Variants in ACYP2 observed in about 807,000 individuals in gnomAD.
ACYP2 encodes acylphosphatase-2.
In ACYP2, 12 loss-of-function variants were observed where a neutral mutation model predicts 11.2. The observed-to-expected ratio is 1.08, with a 90% CI of 0.69 to 1.74. The LOEUF (loss-of-function observed/expected upper bound fraction) is 1.74, where lower values mean the gene tolerates loss of function less well. Among genes scored for constraint, ACYP2 ranks in the 40% most tolerant of loss-of-function variants. The probability of loss-of-function intolerance (pLI) is 0.00; values close to 1 mark genes in which losing one functional copy is unlikely to be tolerated. For missense variants in ACYP2, 134 were observed against 101.9 expected (o/e 1.31, Z -1.35); for synonymous variants, 43 against 32.2 (o/e 1.33, Z -1.13).
chr2:54,175,156 T>A (rs1683401282), intron 6 of ACYP2, among the ~76,000 whole-genome samples: 1 of 152,176 alleles, frequency 6.6e-6, no homozygotes, highest in Non-Finnish European at 1.5e-5. Flanking sequence ...ATCCGTCTGG[T>A]CCTGGAGTTT....
intron 6 of ACYP2, among the ~76,000 whole-genome samples, chr2:54,206,786 T>C (rs1299739475): frequency 2.0e-5 from 3 of 152,214 alleles, no homozygotes; most frequent in Non-Finnish European, 4.4e-5. Context: ...ACTCTCAATA[T>C]GTGTAATGAA....
intron 6 of ACYP2, among the ~76,000 whole-genome samples, chr2:54,270,624 A>AT (rs1360551562): frequency 3.3e-5 from 5 of 152,182 alleles, no homozygotes; most frequent in African/African-American, 1.2e-4. Flanking sequence ...AAAAATAAAG[A>AT]TAAAAAATAA....
At chr2:54,202,883 G>A (rs1684914805) in intron 6 of ACYP2, among the ~76,000 whole-genome samples, 1 of 151,722 alleles carries the variant, frequency 6.6e-6, no homozygotes, top group South Asian at 2.1e-4. Flanking sequence ...TTTATAGTAA[G>A]TTTTCAAATT....
intron 4 of ACYP2, among the ~76,000 whole-genome samples, chr2:54,112,385 A>T (rs1416388174): frequency 2.6e-5 from 4 of 152,224 alleles, no homozygotes; most frequent in Non-Finnish European, 5.9e-5. Flanking sequence ...AAAGCCAAAT[A>T]ATCATATACA....
At chr2:54,278,913 G>C (rs997860218) in intron 6 of ACYP2, among the ~76,000 whole-genome samples, 1 of 152,174 alleles carries the variant, frequency 6.6e-6, no homozygotes, top group African/African-American at 2.4e-5. Flanking sequence ...AAACAAGGAA[G>C]AATGACATTT....
intron 2 of ACYP2, among the ~76,000 whole-genome samples, chr2:54,004,613 T>TAA (rs924184810): frequency 6.6e-6 from 1 of 151,490 alleles, no homozygotes; most frequent in Non-Finnish European, 1.5e-5. Flanking sequence ...GGTTTCACAG[T>TAA]GTTAGCCAGG....
intron 2 of ACYP2, among the ~76,000 whole-genome samples, chr2:54,011,049 G>A (rs1020025118): frequency 4.6e-5 from 7 of 151,896 alleles, no homozygotes; most frequent in South Asian, 4.1e-4. Context: ...TAAAAGACAC[G>A]TCACATTATT....
At chr2:54,216,996 T>C (rs1295418969) in intron 6 of ACYP2, among the ~76,000 whole-genome samples, 1 of 152,256 alleles carries the variant, frequency 6.6e-6, no homozygotes, top group Non-Finnish European at 1.5e-5. Flanking sequence ...ATTTGTTTCA[T>C]ATCATACTTG....
chr2:54,268,053 A>G (rs752756622), intron 6 of ACYP2, among the ~76,000 whole-genome samples: 2 of 152,216 alleles, frequency 1.3e-5, no homozygotes, highest in African/African-American at 2.4e-5. Context: ...CCCATTTGGT[A>G]TCACTACCTA....
intron 2 of ACYP2, among the ~76,000 whole-genome samples, chr2:54,000,345 GAGAAATTCTGAGTTTT>G (rs1254189880): frequency 6.6e-6 from 1 of 152,140 alleles, no homozygotes; most frequent in African/African-American, 2.4e-5. Context: ...GTGTGAGGAA[GAGAAATTCTGAGTTTT>G]AGCTTTACCA....
chr2:54,104,875 G>A (rs1235598146), intron 4 of ACYP2, among the ~76,000 whole-genome samples: 1 of 152,104 alleles, frequency 6.6e-6, no homozygotes, highest in Non-Finnish European at 1.5e-5. Flanking sequence ...AGGCTGATAG[G>A]GGATTGCACA....
At chr2:54,165,490 GTCTC>G (rs1265807046) in intron 6 of ACYP2, among the ~76,000 whole-genome samples, 4 of 142,464 alleles carry the variant, frequency 2.8e-5, no homozygotes, top group African/African-American at 1.1e-4. Context: ...GTGTGTGTCT[GTCTC>G]TCTCTGTCTC....
At chr2:54,256,646 G>A (rs1687552819) in intron 6 of ACYP2, among the ~76,000 whole-genome samples, 1 of 152,044 alleles carries the variant, frequency 6.6e-6, no homozygotes, top group South Asian at 2.1e-4. Context: ...CACTCTGTGG[G>A]GTTACTTTTC....
chr2:54,245,468 G>A (rs561928092), intron 6 of ACYP2, among the ~76,000 whole-genome samples: 133 of 152,060 alleles, frequency 8.7e-4, no homozygotes, highest in Non-Finnish European at 1.7e-3. Context: ...CTCCATAGTG[G>A]TTTTGTTGGT....
chr2:54,304,614 T>A, intron 6 of ACYP2, 74 bp from the exon 4 acceptor site: 3 of 989,424 alleles, frequency 3.0e-6, no homozygotes, highest in Non-Finnish European at 4.6e-6. Flanking sequence ...CATTAATACC[T>A]ACTGTGGGCT....
chr2:54,096,645 A>G (rs2103693264), intron 4 of ACYP2, among the ~76,000 whole-genome samples: 2 of 152,282 alleles, frequency 1.3e-5, no homozygotes, highest in East Asian at 3.9e-4. Context: ...AGCCCGGCCA[A>G]CACAGCGAAA....
intron 6 of ACYP2, chr2:54,254,023 G>C (rs560555636): frequency 1.3e-5 from 2 of 152,304 alleles, no homozygotes; most frequent in African/African-American, 4.8e-5. Context: ...CACTTCATTA[G>C]GTTCAGGAAG....
In ACYP2 at chr2:54,304,663, T is replaced by C. The variant is rs751302015; in HGVS notation, c.405-25T>C. ...CCATGTATACTTTGTATGCTAATTT[T>C]ATTTATTTATCTGTTTTTTTATAGG... is the stretch of plus-strand genomic sequence containing the variant. On this transcript the variant is annotated intron_variant, in intron 6 of 6. Transcript: ENST00000607452. 11 of 1,539,974 alleles carry C rather than the reference T, an allele frequency of 7.1e-6. No individual in the cohort carries two copies. The South Asian group carries it at 1.3e-4, about 18-fold the overall frequency.
chr2:54,054,516 C>T (rs1270464603), intron 3 of ACYP2, among the ~76,000 whole-genome samples: 2 of 152,144 alleles, frequency 1.3e-5, no homozygotes, highest in Admixed American at 1.3e-4. Context: ...AACAATGGGT[C>T]ATTTTTGTCT....
Sources: allele counts gnomAD v4.1 joint callset (sites outside exome capture counted in the v4.1 genomes callset), GRCh38; gene constraint gnomAD v4.1.1; transcripts MANE v1.5; gene names NCBI Gene and HGNC (gene_info 2026-07-23, HGNC 2026-07-21).